The following SPOPL variants were observed in gnomAD, a reference collection of about 807,000 sequenced individuals.
SPOPL encodes the protein speckle type BTB/POZ protein like, also known as speckle-type POZ protein-like.
In SPOPL, 23 loss-of-function variants were observed where a neutral mutation model predicts 53.8. That is an observed-to-expected ratio of 0.43 (90% CI 0.31 to 0.61). The LOEUF is 0.61. SPOPL is among the 20% of genes least tolerant of loss of function. The pLI is 0.12. For missense variants in SPOPL, 442 were observed against 466.9 expected (o/e 0.95, Z 0.49); for synonymous variants, 164 against 149.7 (o/e 1.10, Z -0.70).
intron 1 of SPOPL, among the ~76,000 whole-genome samples, chr2:138,542,635 C>A (rs1488271088): frequency 1.3e-5 from 2 of 151,970 alleles, no homozygotes; most frequent in Non-Finnish European, 2.9e-5. Context: ...GTGTCTCTGC[C>A]TGTGAGATGG....
intron 10 of SPOPL, among the ~76,000 whole-genome samples, chr2:138,567,538 G>A (rs1431232020): frequency 6.6e-6 from 1 of 152,030 alleles, no homozygotes; most frequent in Non-Finnish European, 1.5e-5. Flanking sequence ...GATATTCAGA[G>A]TAGTAGGTGT....
intron 1 of SPOPL, among the ~76,000 whole-genome samples, chr2:138,529,824 C>G (rs943573626): frequency 2.0e-5 from 3 of 151,952 alleles, no homozygotes; most frequent in Non-Finnish European, 4.4e-5. Flanking sequence ...TTTTTTTAAA[C>G]TTTTATTTTA....
intron 1 of SPOPL, among the ~76,000 whole-genome samples, chr2:138,505,624 A>T (rs527793093): frequency 2.9e-3 from 377 of 130,422 alleles, no homozygotes; most frequent in Admixed American, 4.5e-3. Context: ...AAAAAAAAAT[A>T]GTTAGTTGGG....
chr2:138,517,555 A>T (rs1054794696), intron 1 of SPOPL, among the ~76,000 whole-genome samples: 1 of 151,854 alleles, frequency 6.6e-6, no homozygotes, highest in African/African-American at 2.4e-5. Context: ...CCTGGCTAAC[A>T]TGGTGAAACC....
intron 1 of SPOPL, among the ~76,000 whole-genome samples, chr2:138,525,394 A>G (rs1245725565): frequency 6.6e-6 from 1 of 152,194 alleles, no homozygotes; most frequent in Non-Finnish European, 1.5e-5. Context: ...ACAGAGCCAA[A>G]CTGTATCAGG....
chr2:138,514,409 T>A (rs148333476), intron 1 of SPOPL, among the ~76,000 whole-genome samples: 27 of 152,274 alleles, frequency 1.8e-4, no homozygotes, highest in African/African-American at 6.5e-4. Context: ...TGACTTTGAA[T>A]ACAATGGGAA....
chr2:138,511,105 A>G (rs1449612148), intron 1 of SPOPL, among the ~76,000 whole-genome samples: 2 of 152,234 alleles, frequency 1.3e-5, no homozygotes, highest in African/African-American at 2.4e-5. Context: ...TAATAAATGA[A>G]GTACATCTTT....
At chr2:138,528,577 G>T (rs1314990900) in intron 1 of SPOPL, among the ~76,000 whole-genome samples, 1 of 152,136 alleles carries the variant, frequency 6.6e-6, no homozygotes, top group East Asian at 1.9e-4. Flanking sequence ...TCACTGCCTT[G>T]AACCATATGC....
Position 138,568,925 on chromosome 2 carries a change from C to CT in SPOPL, c.1035-10dup, listed in dbSNP as rs1413227335. Reference sequence around the variant, plus strand: ...ATTCTTTAGTAAATATCTTTTAATTCTATTTTTCAGCCAAGCAACCGACAT... The same window carrying CT: ...ATTCTTTAGTAAATATCTTTTAATTCTTATTTTTCAGCCAAGCAACCGACAT... On this transcript the variant is annotated splice_polypyrimidine_tract_variant and intron_variant, in intron 10 of 10. Transcript: ENST00000280098. 3 of 1,613,026 alleles carry CT rather than the reference C, an allele frequency of 1.9e-6. No individual in the cohort carries two copies. The highest frequency in any genetic ancestry group is 1.3e-5 in the African/African-American group (1 of 74,868).
intron 1 of SPOPL, among the ~76,000 whole-genome samples, chr2:138,525,450 T>C (rs1364702342): frequency 6.6e-6 from 1 of 152,090 alleles, no homozygotes; most frequent in Non-Finnish European, 1.5e-5. Flanking sequence ...CAGTAACTGA[T>C]TTCAGTTTTC....
Position 138,569,189 on chromosome 2 carries a change from A to G in SPOPL, c.*109A>G. ...GAGTTGTTTCTGTTATTTTGTCCAC[A>G]GAACAGAAGCTGAAAAAGCATATTG... is the stretch of plus-strand genomic sequence containing the variant. On this transcript the variant is annotated 3_prime_UTR_variant, in exon 11 of 11. Coordinates refer to ENST00000280098, the MANE Select transcript of SPOPL (RefSeq NM_001001664.3). 3 of 1,271,146 alleles carry G rather than the reference A, an allele frequency of 2.4e-6. No homozygotes were observed. The highest frequency in any genetic ancestry group is 3.3e-6 in the Non-Finnish European group (3 of 912,604). 78.7% of individuals were successfully genotyped at this position (1,271,146 alleles called of 1,614,324 possible). A position where few individuals can be genotyped will look rare whatever the true frequency, so the allele number is the denominator to read the frequency against.
At chr2:138,561,110 G>GT (rs1437244815) in intron 8 of SPOPL, among the ~76,000 whole-genome samples, 183 bp downstream of exon 8, 2 of 152,152 alleles carry the variant, frequency 1.3e-5, no homozygotes, top group Admixed American at 1.3e-4. Flanking sequence ...TGATGTGAAA[G>GT]TATCTTGAGC....
At chr2:138,554,087 T>C (rs1017627518) in intron 5 of SPOPL, among the ~76,000 whole-genome samples, 1 of 113,318 alleles carries the variant, frequency 8.8e-6, no homozygotes, top group Admixed American at 9.7e-5. Context: ...TTTTTTTTTT[T>C]AGAATTGAAA....
intron 1 of SPOPL, among the ~76,000 whole-genome samples, chr2:138,515,921 G>C (rs1016512865): frequency 1.3e-5 from 2 of 152,138 alleles, no homozygotes; most frequent in African/African-American, 4.8e-5. Context: ...ATATTCAAAA[G>C]TATTTACTGA....
intron 1 of SPOPL, among the ~76,000 whole-genome samples, chr2:138,524,666 A>G (rs1015503060): frequency 2.0e-5 from 3 of 152,308 alleles, no homozygotes; most frequent in Admixed American, 6.5e-5. Context: ...AAGTTCCACA[A>G]ATCTCTAGGG....
Position 138,571,816 on chromosome 2 carries a change from T to A in SPOPL, c.*2736T>A, listed in dbSNP as rs1357652594. The stretch of plus-strand genomic sequence containing the variant: ...AAGAATAATCATTGGGTAACTGTTG[T>A]TTAGACCAACACTTAGAAATACTAT... On this transcript the variant is annotated 3_prime_UTR_variant, in exon 11 of 11. Transcript: ENST00000280098. 1.3e-5 allele frequency: 2 copies of A among 152,638 alleles called. No individual in the cohort carries two copies. The highest frequency in any genetic ancestry group is 2.9e-5 in the Non-Finnish European group (2 of 68,032). 9.5% of individuals were successfully genotyped at this position (152,638 alleles called of 1,614,324 possible). A position where few individuals can be genotyped will look rare whatever the true frequency, so the allele number is the denominator to read the frequency against.
chr2:138,534,044 A>G (rs1343439378), intron 1 of SPOPL, among the ~76,000 whole-genome samples: 1 of 152,104 alleles, frequency 6.6e-6, no homozygotes, highest in African/African-American at 2.4e-5. Flanking sequence ...TATATATTTT[A>G]TTGGTCTAGA....
intron 1 of SPOPL, among the ~76,000 whole-genome samples, chr2:138,515,572 T>C (rs1000975897): frequency 6.6e-6 from 1 of 152,242 alleles, no homozygotes; most frequent in Admixed American, 6.5e-5. Context: ...TTTGTCATTT[T>C]GTAGTGAAAA....
chr2:138,550,327 C>A (rs778515832), intron 2 of SPOPL, 33 bp downstream of exon 2: 23 of 1,610,714 alleles, frequency 1.4e-5, no homozygotes, highest in Admixed American at 5.0e-5. Flanking sequence ...CACTTTATGT[C>A]ACTTATAAAT....
Sources: gnomAD v4.1 joint callset for allele counts (sites outside exome capture counted in the v4.1 genomes callset) on GRCh38, gnomAD v4.1.1 for gene constraint, MANE v1.5 for transcripts, NCBI Gene and HGNC (gene_info 2026-07-23, HGNC 2026-07-21) for gene names.